Variants in SHISAL2A observed in about 807,000 individuals in gnomAD.
SHISAL2A encodes shisa like 2A.
SHISAL2A carries 18 observed loss-of-function variants against 11.5 expected under a neutral mutation model. That is an observed-to-expected ratio of 1.57 (90% CI 1.08 to 2.33). SHISAL2A has a LOEUF of 2.33. Among genes scored for constraint, SHISAL2A ranks in the 30% most tolerant of loss-of-function variants. The pLI is 0.00. For synonymous variants in SHISAL2A, 94 were observed against 99.6 expected (o/e 0.94, Z 0.34); for missense variants, 261 against 250.9 (o/e 1.04, Z -0.27).
intron 2 of SHISAL2A, among the ~76,000 whole-genome samples, chr1:52,654,569 A>T (rs1691749438): frequency 6.6e-6 from 1 of 152,198 alleles, no homozygotes; most frequent in South Asian, 2.1e-4. Flanking sequence ...CTTTTCAATA[A>T]ATGGTGTTAA....
chr1:52,656,281 A>G (rs1037565017), intron 2 of SHISAL2A, among the ~76,000 whole-genome samples: 2 of 152,224 alleles, frequency 1.3e-5, no homozygotes. Flanking sequence ...GAACAAAGTA[A>G]GTTGCAGCTG....
At position 52,633,686 on chromosome 1, in the gene SHISAL2A, T is replaced by G. The variant is rs1691181344; in HGVS notation, c.182+11T>G. ...CATGTGGTGGCTCAGGTACCGTCCCTGGCCCTCACCCTACCTTGAACCCCA... is the reference window on the plus strand; with the variant it reads ...CATGTGGTGGCTCAGGTACCGTCCCGGGCCCTCACCCTACCTTGAACCCCA... On this transcript the variant is annotated intron_variant, in intron 1 of 2. Coordinates refer to ENST00000517870, the MANE Select transcript of SHISAL2A (RefSeq NM_001042693.3). This position sits in a 1 kb window ranked among gnomAD's most constrained non-coding sequence, Gnocchi z 6.4. 6.3e-7 allele frequency: 1 copy of G among 1,595,732 alleles called. No homozygotes were observed. The highest frequency in any genetic ancestry group is 8.5e-7 in the Non-Finnish European group (1 of 1,171,328).
At chr1:52,665,562 C>A (rs1691995270) in intron 4 of SHISAL2A, among the ~76,000 whole-genome samples, 1 of 152,206 alleles carries the variant, frequency 6.6e-6, no homozygotes, top group Admixed American at 6.5e-5. Context: ...TATGCATTAT[C>A]CATATTCATT....
chr1:52,650,940 T>C (rs1691628713), intron 2 of SHISAL2A, among the ~76,000 whole-genome samples: 1 of 149,822 alleles, frequency 6.7e-6, no homozygotes, highest in African/African-American at 2.5e-5. Context: ...CCACCACGCC[T>C]GGCCTAACCT....
intron 4 of SHISAL2A, among the ~76,000 whole-genome samples, chr1:52,663,228 T>C (rs779413014): frequency 6.6e-6 from 1 of 152,066 alleles, no homozygotes; most frequent in Non-Finnish European, 1.5e-5. Context: ...TGAGAATTAT[T>C]ATCCCCATTT....
intron 4 of SHISAL2A, among the ~76,000 whole-genome samples, chr1:52,665,659 TG>T (rs1691997057): frequency 1.3e-5 from 2 of 152,174 alleles, no homozygotes; most frequent in Non-Finnish European, 2.9e-5. Context: ...TGGGCCCTAT[TG>T]GGGCCCAGAG....
intron 4 of SHISAL2A, among the ~76,000 whole-genome samples, chr1:52,662,074 A>G (rs1691917292): frequency 6.6e-6 from 1 of 151,908 alleles, no homozygotes; most frequent in Non-Finnish European, 1.5e-5. Context: ...CCCGCCCTTC[A>G]GGCCTTACTT....
At chr1:52,643,495 G>T (rs897333290) in intron 2 of SHISAL2A, among the ~76,000 whole-genome samples, 3 of 152,150 alleles carry the variant, frequency 2.0e-5, no homozygotes, top group Non-Finnish European at 4.4e-5. Context: ...CAAAAATAAA[G>T]TGTTGCTTTT....
chr1:52,667,347 C>T lies in SHISAL2A; in HGVS notation n.696-52C>T, dbSNP rs142089936. 2.0e-4 allele frequency: 189 copies of T among 958,816 alleles called. No individual in the cohort carries two copies. In the African/African-American group the frequency reaches 2.3e-3, roughly 12 times the overall value. The allele number at this position is 958,816 out of a possible 1,614,324, so 59.4% of individuals were successfully genotyped here. On this transcript the variant is annotated intron_variant and non_coding_transcript_variant, in intron 4 of 5. Transcript: ENST00000401050. ...TAGCTCTTGCTGGGAATGTTTGCTC[C>T]GCCATGGGGAAGTCTTTCAAAGATT...
At chr1:52,652,965 C>CCCA (rs1691703106) in intron 2 of SHISAL2A, among the ~76,000 whole-genome samples, 1 of 22,370 alleles carries the variant, frequency 4.5e-5, no homozygotes, top group Non-Finnish European at 6.7e-5. Flanking sequence ...GACTCTGTCT[C>CCCA]AAAAAAAAAA....
intron 2 of SHISAL2A, among the ~76,000 whole-genome samples, chr1:52,651,621 T>C (rs1182129073): frequency 6.6e-6 from 1 of 152,114 alleles, no homozygotes; most frequent in East Asian, 1.9e-4. Context: ...CTCGGCTCAC[T>C]GCACCCTCTG....
rs1009827936 is a variant in SHISAL2A, at chr1:52,668,017, C to A, written n.876+438C>A. ...CCCCGGGAGTAAATGGCCCACCCAG[C>A]TGTTGGGATGAGTACATAGCTAATG... On this transcript the variant is annotated intron_variant and non_coding_transcript_variant, in intron 5 of 5. Transcript: ENST00000401050. Among the ~76,000 whole-genome samples the A allele has an allele frequency of 2.0e-5, 3 of 152,146 alleles. No homozygotes were observed. In the East Asian group the frequency reaches 5.8e-4, roughly 29 times the overall value.
intron 2 of SHISAL2A, among the ~76,000 whole-genome samples, chr1:52,655,010 C>G (rs568684949): frequency 6.6e-6 from 1 of 152,052 alleles, no homozygotes; most frequent in East Asian, 1.9e-4. Context: ...TGGCGAAACC[C>G]CGTCTCTACT....
intron 2 of SHISAL2A, among the ~76,000 whole-genome samples, chr1:52,645,413 T>C (rs56310920): frequency 0.034 from 5,127 of 152,222 alleles, 159 homozygotes; most frequent in Middle Eastern, 0.12. Context: ...TTTTGTTTTG[T>C]TTTGTTTTGT....
At chr1:52,650,267 G>A (rs1418193323) in intron 2 of SHISAL2A, among the ~76,000 whole-genome samples, 1 of 152,208 alleles carries the variant, frequency 6.6e-6, no homozygotes, top group Non-Finnish European at 1.5e-5. Context: ...GGTCACCACA[G>A]GCTAGGCCCA....
chr1:52,634,410 C>T (rs1691197507), intron 1 of SHISAL2A, among the ~76,000 whole-genome samples: 1 of 152,182 alleles, frequency 6.6e-6, no homozygotes, highest in Non-Finnish European at 1.5e-5. Context: ...GTACCCCATC[C>T]TCAAGCTAAG....
rs1004075416 is a variant in SHISAL2A at position 52,639,898 on chromosome 1, C to T, written c.183-2965C>T. The T allele has an allele frequency of 2.6e-5, 4 of 152,176 alleles. 1 individual carries two copies. The highest frequency in any genetic ancestry group is 2.0e-4 in the Admixed American group (3 of 15,286). 9.4% of individuals were successfully genotyped at this position (152,176 alleles called of 1,614,324 possible). On this transcript the variant is annotated intron_variant, in intron 1 of 2. Coordinates refer to ENST00000517870, the MANE Select transcript of SHISAL2A (RefSeq NM_001042693.3). ...CCACCTCCCGGGCTCCAGCAACCCTCTCGCCTCAGCCTCCTGAGTAGCTGA... is the reference window on the plus strand; with the variant it reads ...CCACCTCCCGGGCTCCAGCAACCCTTTCGCCTCAGCCTCCTGAGTAGCTGA...
At position 52,633,552 on chromosome 1, in the gene SHISAL2A, G is replaced by T. The variant is rs746561919; in HGVS notation, c.59G>T (p.Ser20Ile). 6.2e-7 allele frequency: 1 copy of T among 1,609,722 alleles called. No homozygotes were observed. Among genetic ancestry groups the T allele is most frequent in the Admixed American group, 1.7e-5 (1 of 59,752 alleles). ...GAGCAGGAGGTGGTGCGCGGCTTCAGCTGCCCGCGGCCGGGGGGCGAGGCG... is the reference window on the plus strand; with the variant it reads ...GAGCAGGAGGTGGTGCGCGGCTTCATCTGCCCGCGGCCGGGGGGCGAGGCG... ...SAEQEVVRGF[S>I]CPRPGGEAAA... is the part of the protein sequence containing the mutation. The change falls in exon 1 of 3, where the codon AGC (serine) becomes ATC (isoleucine). Residue 20 changes from serine to isoleucine, a missense_variant. Ser to Ile is a moderately radical substitution (Grantham distance 142). Coordinates refer to ENST00000517870, the MANE Select transcript of SHISAL2A (RefSeq NM_001042693.3). This position sits in a 1 kb window ranked among gnomAD's most constrained non-coding sequence, Gnocchi z 6.4.
chr1:52,660,660 G>A (rs1691890616), downstream of SHISAL2A, among the ~76,000 whole-genome samples: 1 of 152,170 alleles, frequency 6.6e-6, no homozygotes, highest in Non-Finnish European at 1.5e-5. Flanking sequence ...CGGATGGAGG[G>A]GAGTGAATCT....
Sources: gnomAD v4.1 joint callset for allele counts (sites outside exome capture counted in the v4.1 genomes callset) on GRCh38, gnomAD v4.1.1 for gene constraint, Gnocchi (gnomAD v3.1) non-coding constraint, MANE v1.5 for transcripts, NCBI Gene and HGNC (gene_info 2026-07-23, HGNC 2026-07-21) for gene names.